Variants in TPTE2 observed in about 807,000 individuals in gnomAD.
The protein encoded by TPTE2 is transmembrane phosphoinositide 3-phosphatase and tensin homolog 2.
In TPTE2, 53 loss-of-function variants were observed where a neutral mutation model predicts 78.6. The observed-to-expected ratio is 0.67, with a 90% CI of 0.54 to 0.85. The LOEUF is 0.85. TPTE2 is among the 40% of genes least tolerant of loss of function. TPTE2 has a pLI of 0.00. For synonymous variants in TPTE2, 175 were observed against 206.2 expected, an observed-to-expected ratio of 0.85 and a Z score of 1.30; for missense variants, 461 against 623.0, an observed-to-expected ratio of 0.74 and a Z score of 2.77.
chr13:19,506,670 A>G (rs967127341), upstream of TPTE2, among the ~76,000 whole-genome samples: 12 of 152,252 alleles, frequency 7.9e-5, no homozygotes, highest in African/African-American at 2.4e-4. Context: ...AAGATTGCCA[A>G]CAACCAGCAA....
At chr13:19,443,122 A>C (rs1877595409) in intron 13 of TPTE2, among the ~76,000 whole-genome samples, 1 of 152,092 alleles carries the variant, frequency 6.6e-6, no homozygotes, top group Admixed American at 6.5e-5. Context: ...AATCCTAAAC[A>C]AAATATTAAC....
the TPTE2 span, among the ~76,000 whole-genome samples, chr13:19,549,214 A>G: frequency 6.6e-6 from 1 of 152,186 alleles, no homozygotes; most frequent in Admixed American, 6.5e-5. Flanking sequence ...AATTTCAATA[A>G]ACAGACAACC....
At chr13:19,553,844 T>G in the TPTE2 span, among the ~76,000 whole-genome samples, 1 of 152,248 alleles carries the variant, frequency 6.6e-6, no homozygotes, top group African/African-American at 2.4e-5. Flanking sequence ...TGAAAAATGT[T>G]CAAAATTATA....
chr13:19,425,037 CA>C lies in TPTE2; in HGVS notation c.1396-21del. On this transcript the variant is annotated intron_variant, in intron 18 of 19. Transcript: ENST00000400230. ...AAGATTCTAAAAAGAAAAAAAATTT[CA>C]AAGTAAAACTGACACCAGGAACTAA... The C allele has an allele frequency of 7.7e-7, 1 of 1,293,812 alleles. No individual in the cohort carries two copies. The highest frequency in any genetic ancestry group is 2.3e-5 in the Admixed American group (1 of 43,582). 80.1% of individuals were successfully genotyped at this position (1,293,812 alleles called of 1,614,324 possible).
intron 1 of TPTE2, among the ~76,000 whole-genome samples, chr13:19,516,948 C>T (rs979309523): frequency 6.6e-6 from 1 of 152,124 alleles, no homozygotes; most frequent in African/African-American, 2.4e-5. Flanking sequence ...TCCATACCTT[C>T]GGAGTTATAC....
chr13:19,543,334 T>G, the TPTE2 span, among the ~76,000 whole-genome samples: 1 of 150,406 alleles, frequency 6.6e-6, no homozygotes, highest in African/African-American at 2.4e-5. Context: ...ATTACAGGCA[T>G]GAGCCACCAC....
intron 6 of TPTE2, among the ~76,000 whole-genome samples, chr13:19,473,597 CTTTT>C (rs34210025): frequency 1.5e-5 from 2 of 129,130 alleles, no homozygotes. Context: ...TTTTAAAATG[CTTTT>C]TTTTTTTTTT....
chr13:19,478,940 A>G (rs1007251865), intron 4 of TPTE2, among the ~76,000 whole-genome samples: 1 of 152,076 alleles, frequency 6.6e-6, no homozygotes, highest in Non-Finnish European at 1.5e-5. Flanking sequence ...GTTCTCACTC[A>G]TAGGTGGGAA....
In TPTE2 at chr13:19,535,579, G is replaced by C. The variant is rs1871165963; in HGVS notation, c.-44+1017C>G. Among the ~76,000 whole-genome samples, 1 of 151,852 alleles carries C rather than the reference G, an allele frequency of 6.6e-6. No individual in the cohort carries two copies. The highest frequency in any genetic ancestry group is 6.6e-5 in the Admixed American group (1 of 15,236). On this transcript the variant is annotated intron_variant, in intron 1 of 17. Coordinates refer to the TPTE2 transcript ENST00000390680. The surrounding 1 kb of genome is among the most constrained non-coding windows in gnomAD (Gnocchi z 5.1). ...AATTTAGATTGATTAATAAGTGACT[G>C]AGGTTCTAAGTAATACTATCTCCAG...
At chr13:19,470,148 G>A (rs759549726) in intron 6 of TPTE2, among the ~76,000 whole-genome samples, 4 of 152,184 alleles carry the variant, frequency 2.6e-5, no homozygotes, top group African/African-American at 7.2e-5. Context: ...CATTCAGTAC[G>A]GTACTGACTG....
intron 19 of TPTE2, 77 bp downstream of exon 22, chr13:19,424,870 C>T: frequency 2.1e-6 from 2 of 942,994 alleles, no homozygotes; most frequent in Non-Finnish European, 3.1e-6. Context: ...TGACAACCAG[C>T]AAAAGACTTG....
intron 13 of TPTE2, among the ~76,000 whole-genome samples, chr13:19,444,765 G>A (rs1313690375): frequency 6.6e-6 from 1 of 152,170 alleles, no homozygotes; most frequent in African/African-American, 2.4e-5. Context: ...AGAAGATGAT[G>A]AGGACGTATT....
intron 9 of TPTE2, 137 bp downstream of exon 12, chr13:19,465,118 T>C: frequency 4.3e-6 from 5 of 1,151,704 alleles, no homozygotes; most frequent in African/African-American, 1.5e-5. Context: ...ACCACAAATA[T>C]GTCACACTAT....
intron 15 of TPTE2, among the ~76,000 whole-genome samples, chr13:19,433,282 T>G (rs921520891): frequency 2.0e-5 from 3 of 152,120 alleles, no homozygotes; most frequent in Admixed American, 1.3e-4. Context: ...GGTGGGCAGA[T>G]CACTGGGCGT....
intron 1 of TPTE2, 49 bp downstream of exon 4, chr13:19,503,175 A>C (rs777537224): frequency 1.5e-5 from 24 of 1,612,152 alleles, no homozygotes; most frequent in Non-Finnish European, 2.0e-5. Flanking sequence ...GAATACTTCT[A>C]TGCTCAGTTA....
At chr13:19,466,327 G>A (rs1487036206) in intron 7 of TPTE2, among the ~76,000 whole-genome samples, 3 of 152,178 alleles carry the variant, frequency 2.0e-5, no homozygotes, top group African/African-American at 7.2e-5. Context: ...TCTAGTCAGA[G>A]AACCACATTG....
At chr13:19,560,838 G>C in the TPTE2 span, 1 of 1,550,518 alleles carries the variant, frequency 6.4e-7, no homozygotes, top group Non-Finnish European at 8.7e-7. Context: ...GCGCGCTCCC[G>C]CAGGCTCTTG....
chr13:19,511,185 G>A (rs1044544940), intron 1 of TPTE2, among the ~76,000 whole-genome samples: 16 of 152,196 alleles, frequency 1.1e-4, no homozygotes, highest in Admixed American at 7.9e-4. Flanking sequence ...CAGTCTTTGC[G>A]AAGGCAAATG....
intron 3 of TPTE2, among the ~76,000 whole-genome samples, chr13:19,491,114 A>T (rs111603126): frequency 1.3e-5 from 2 of 152,330 alleles, no homozygotes; most frequent in African/African-American, 4.8e-5. Flanking sequence ...CATACAATGA[A>T]CTTCCCAAAT....
Sources: gnomAD v4.1 joint callset for allele counts (sites outside exome capture counted in the v4.1 genomes callset) on GRCh38, gnomAD v4.1.1 for gene constraint, Gnocchi (gnomAD v3.1) non-coding constraint, MANE v1.5 for transcripts, NCBI Gene and HGNC (gene_info 2026-07-23, HGNC 2026-07-21) for gene names.